ZNF184: variants seen among roughly 807,000 people sequenced by gnomAD.
The protein encoded by ZNF184 is zinc finger protein 184.
In ZNF184, 16 loss-of-function variants were observed where a neutral mutation model predicts 54.4. The observed-to-expected ratio is 0.29, with a 90% CI of 0.20 to 0.45. ZNF184 has a LOEUF of 0.45. Ranked by LOEUF, ZNF184 falls within the 20% of genes least tolerant of loss-of-function variation. The pLI is 1.00. For missense variants in ZNF184, 681 were observed against 888.2 expected (o/e 0.77, Z 2.97); for synonymous variants, 254 against 295.3 (o/e 0.86, Z 1.43).
chr6:27,415,722 T>C, the ZNF184 span, among the ~76,000 whole-genome samples: 26 of 152,302 alleles, frequency 1.7e-4, no homozygotes, highest in South Asian at 1.7e-3. Context: ...CAAGACATTA[T>C]AGCGGTTGAA....
intron 3 of ZNF184, among the ~76,000 whole-genome samples, chr6:27,465,169 A>AAAAG (rs1554131273): frequency 0.01 from 1,512 of 148,512 alleles, 17 homozygotes; most frequent in African/African-American, 0.023. Flanking sequence ...TATTTAAAAA[A>AAAAG]AAAAGAAAAG....
the ZNF184 span, among the ~76,000 whole-genome samples, chr6:27,445,329 A>T: frequency 6.6e-6 from 1 of 152,212 alleles, no homozygotes; most frequent in African/African-American, 2.4e-5. Flanking sequence ...AACAGTAGGT[A>T]AAAAATGCTA....
At chr6:27,421,874 A>C in the ZNF184 span, among the ~76,000 whole-genome samples, 2 of 152,256 alleles carry the variant, frequency 1.3e-5, no homozygotes, top group African/African-American at 4.8e-5. Flanking sequence ...ATTTGAGACC[A>C]GCATGGGCAA....
At chr6:27,467,059 C>A (rs1763156212) in intron 3 of ZNF184, among the ~76,000 whole-genome samples, 2 of 152,136 alleles carry the variant, frequency 1.3e-5, no homozygotes, top group South Asian at 4.1e-4. Context: ...TACTTATGAA[C>A]TTCTGCTTAT....
At chr6:27,436,412 C>T in the ZNF184 span, among the ~76,000 whole-genome samples, 1 of 152,216 alleles carries the variant, frequency 6.6e-6, no homozygotes, top group Non-Finnish European at 1.5e-5. Flanking sequence ...GATCTGCCTG[C>T]CTTGGCCTCC....
chr6:27,461,587 C>T (rs1392258233), intron 3 of ZNF184, among the ~76,000 whole-genome samples: 1 of 152,196 alleles, frequency 6.6e-6, no homozygotes, highest in African/African-American at 2.4e-5. Flanking sequence ...ATAAACAATA[C>T]ATTCCAGACA....
At chr6:27,417,482 C>T in the ZNF184 span, among the ~76,000 whole-genome samples, 1 of 152,204 alleles carries the variant, frequency 6.6e-6, no homozygotes. Context: ...GCCTCCCAAA[C>T]TGGTGTTGGA....
At chr6:27,450,634 A>T (rs890791521), downstream of ZNF184, 2 of 152,052 alleles carry the variant, frequency 1.3e-5, no homozygotes, top group African/African-American at 4.8e-5. Context: ...AGCACAAATT[A>T]AGACACCAGG....
At position 27,472,424 on chromosome 6, in the gene ZNF184, G is replaced by C; in HGVS notation, c.-130C>G. On this transcript the variant is annotated 5_prime_UTR_variant, in exon 2 of 6. Transcript: ENST00000683788. This position sits in a 1 kb window ranked among gnomAD's most constrained non-coding sequence, Gnocchi z 4.8. ...TGCAGGGAATCTGCAACACGCTGAG[G>C]TTGTCTACCCTAAAAGACACAGGAT... is the stretch of plus-strand genomic sequence containing the variant. The C allele has an allele frequency of 8.5e-7, 1 of 1,178,018 alleles. No individual in the cohort carries two copies. Among genetic ancestry groups the C allele is most frequent in the Non-Finnish European group, 1.2e-6 (1 of 809,062 alleles). 73.0% of individuals were successfully genotyped at this position (1,178,018 alleles called of 1,614,324 possible).
chr6:27,452,254 C>T lies in ZNF184; in HGVS notation c.1305G>A (p.Gln435=). The change falls in exon 6 of 6, where the codon CAG becomes CAA. Residue 435 remains glutamine, a synonymous_variant. Transcript: ENST00000683788. This position sits in a 1 kb window ranked among gnomAD's most constrained non-coding sequence, Gnocchi z 5.5. ...TCTCCCCAGTATGAGTTTTTTGATG[C>T]TGAGTGAGGTTTGAGTGCTGGCTGA... is the stretch of plus-strand genomic sequence containing the variant. The part of the protein sequence containing the change: ...KAFSQHSNLT[Q]HQKTHTGEKP... 6.2e-7 allele frequency: 1 copy of T among 1,613,976 alleles called. No homozygotes were observed. The highest frequency in any genetic ancestry group is 1.1e-5 in the South Asian group (1 of 91,064).
At chr6:27,450,385 A>T (rs1762686839), downstream of ZNF184, among the ~76,000 whole-genome samples, 1 of 148,464 alleles carries the variant, frequency 6.7e-6, no homozygotes, top group Non-Finnish European at 1.5e-5. Flanking sequence ...TGATTAGGTC[A>T]TAAGGGTAGA....
chr6:27,449,950 G>T (rs1172664943), downstream of ZNF184, among the ~76,000 whole-genome samples: 1 of 152,070 alleles, frequency 6.6e-6, no homozygotes, highest in Non-Finnish European at 1.5e-5. Flanking sequence ...GAGAAAAAAT[G>T]GTAAATATGT....
the ZNF184 span, among the ~76,000 whole-genome samples, chr6:27,422,889 C>T: frequency 6.6e-6 from 1 of 152,210 alleles, no homozygotes; most frequent in Non-Finnish European, 1.5e-5. Flanking sequence ...AGCTTTCTCC[C>T]TCGTCCGCCG....
At position 27,472,514 on chromosome 6, in the gene ZNF184, C is replaced by T. The variant is rs1763303703; in HGVS notation, c.-139-81G>A. On this transcript the variant is annotated intron_variant, in intron 1 of 5. Transcript: ENST00000683788. This position sits in a 1 kb window ranked among gnomAD's most constrained non-coding sequence, Gnocchi z 4.8. Reference sequence around the variant, plus strand: ...CTTGCAAAGTGACCAAGAGGTGCTACACAAGAGAAGTGCCCCAAGAGAGCA... The same window carrying T: ...CTTGCAAAGTGACCAAGAGGTGCTATACAAGAGAAGTGCCCCAAGAGAGCA... 1.7e-6 allele frequency: 1 copy of T among 576,604 alleles called. No individual in the cohort carries two copies. Among genetic ancestry groups the T allele is most frequent in the South Asian group, 2.1e-5 (1 of 48,144 alleles). The allele number at this position is 576,604 out of a possible 1,614,324, so 35.7% of individuals were successfully genotyped here.
the ZNF184 span, among the ~76,000 whole-genome samples, chr6:27,433,855 C>T: frequency 6.6e-6 from 1 of 151,538 alleles, no homozygotes; most frequent in East Asian, 1.9e-4. Flanking sequence ...TTCCTTCCTT[C>T]CTTCTTTCCT....
chr6:27,413,617 A>G, the ZNF184 span, among the ~76,000 whole-genome samples: 1 of 152,314 alleles, frequency 6.6e-6, no homozygotes, highest in Non-Finnish European at 1.5e-5. Context: ...CTGAGACATC[A>G]TGTAGTTTCA....
chr6:27,421,075 G>A, the ZNF184 span, among the ~76,000 whole-genome samples: 1 of 152,232 alleles, frequency 6.6e-6, no homozygotes, highest in East Asian at 1.9e-4. Context: ...GTGGTTACTA[G>A]GAGTTAATGA....
At chr6:27,404,471 C>T in the ZNF184 span, 1 of 152,186 alleles carries the variant, frequency 6.6e-6, no homozygotes, top group African/African-American at 2.4e-5. Context: ...TTCGCAGGAG[C>T]AGGGGGGAGA....
chr6:27,451,474 C>T lies in ZNF184; in HGVS notation c.2085G>A (p.Glu695=), dbSNP rs1200466980. The T allele has an allele frequency of 6.2e-7, 1 of 1,614,140 alleles. No homozygotes were observed. The highest frequency in any genetic ancestry group is 2.2e-5 in the East Asian group (1 of 44,880). Reference sequence around the variant, plus strand: ...TGCATTCATTACAGTTATAAGGTTTCTCTCCAGTATGAGTATTCTGATGTT... The same window carrying T: ...TGCATTCATTACAGTTATAAGGTTTTTCTCCAGTATGAGTATTCTGATGTT... ...LTEHQNTHTG[E]KPYNCNECRK... Residue 695 remains glutamate, a synonymous_variant, in exon 6 of 6, where the codon GAG becomes GAA. Coordinates refer to ENST00000683788, the MANE Select transcript of ZNF184 (RefSeq NM_001318891.2).
Sources: allele counts gnomAD v4.1 joint callset (sites outside exome capture counted in the v4.1 genomes callset), GRCh38; gene constraint gnomAD v4.1.1; non-coding constraint Gnocchi (gnomAD v3.1); transcripts MANE v1.5; gene names NCBI Gene and HGNC (gene_info 2026-07-23, HGNC 2026-07-21).